The following CLIP1 variants were observed in gnomAD, a reference collection of about 807,000 sequenced individuals.
CLIP1 encodes CAP-Gly domain-containing linker protein 1.
In CLIP1, 66 loss-of-function variants were observed where a neutral mutation model predicts 161.6. The observed-to-expected ratio is 0.41, with a 90% CI of 0.33 to 0.50. The LOEUF (loss-of-function observed/expected upper bound fraction) is 0.50. Among genes scored for constraint, CLIP1 ranks in the 20% least tolerant of loss-of-function variants. The pLI, the probability that CLIP1 is intolerant of heterozygous loss-of-function variation, is 0.27. For missense variants in CLIP1, 1,376 were observed against 1,702.0 expected, an observed-to-expected ratio of 0.81 and a Z score of 3.37; for synonymous variants, 598 against 626.2, an observed-to-expected ratio of 0.96 and a Z score of 0.67.
At chr12:122,306,100 T>G (rs534981646) in intron 20 of CLIP1, among the ~76,000 whole-genome samples, 1 of 150,486 alleles carries the variant, frequency 6.6e-6, no homozygotes, top group South Asian at 2.1e-4. Context: ...ACTAGACTGG[T>G]TTAGCCTCCC....
chr12:122,302,275 C>T (rs1421692046), intron 20 of CLIP1, among the ~76,000 whole-genome samples: 2 of 151,284 alleles, frequency 1.3e-5, no homozygotes, highest in Non-Finnish European at 3.0e-5. Flanking sequence ...TATTTTTTTT[C>T]TTTTTTAGTA....
In CLIP1 at chr12:122,324,938, A is replaced by C. The variant is rs1336987486; in HGVS notation, c.3249+3009T>G. ...CATATAACTTAAAAACTACAGCCTA[A>C]TTTCTAGGCTTTGCTGACTAAAAGG... On this transcript the variant is annotated intron_variant, in intron 17 of 25. Transcript: ENST00000620786. Among the ~76,000 whole-genome samples, 3 of 152,112 alleles carry C rather than the reference A, an allele frequency of 2.0e-5. No individual in the cohort carries two copies. The East Asian group carries it at 5.8e-4, about 29-fold the overall frequency.
chr12:122,376,908 G>A (rs543729461), intron 3 of CLIP1, among the ~76,000 whole-genome samples: 19 of 152,058 alleles, frequency 1.2e-4, no homozygotes, highest in Non-Finnish European at 2.2e-4. Flanking sequence ...AATTTGTTGC[G>A]TAGTTACCCA....
At position 122,325,272 on chromosome 12, in the gene CLIP1, G is replaced by A. The variant is rs1593070040; in HGVS notation, c.3249+2675C>T. Among the ~76,000 whole-genome samples the A allele has an allele frequency of 5.3e-5, 8 of 152,004 alleles. 1 individual carries two copies. The highest frequency in any genetic ancestry group is 5.2e-4 in the Admixed American group (8 of 15,264). Reference sequence around the variant, plus strand: ...GGGGTTTCACCATGTTGGCCAGGCTGGTCTCAAACTCCTGACCCCAAGTGA... The same window carrying A: ...GGGGTTTCACCATGTTGGCCAGGCTAGTCTCAAACTCCTGACCCCAAGTGA... On this transcript the variant is annotated intron_variant, in intron 17 of 25. Transcript: ENST00000620786.
chr12:122,386,989 CA>C (rs2136914966), intron 1 of CLIP1, among the ~76,000 whole-genome samples: 1 of 152,260 alleles, frequency 6.6e-6, no homozygotes, highest in East Asian at 1.9e-4. Flanking sequence ...CTCCCAAGCT[CA>C]AGTGATTCTC....
chr12:122,337,214 G>A (rs1211962648), intron 11 of CLIP1, among the ~76,000 whole-genome samples: 2 of 152,010 alleles, frequency 1.3e-5, no homozygotes, highest in South Asian at 2.1e-4. Flanking sequence ...TTGGGAGGCT[G>A]AGGCAAGTGG....
chr12:122,338,865 C>T (rs529663567), intron 11 of CLIP1, among the ~76,000 whole-genome samples: 14 of 152,194 alleles, frequency 9.2e-5, no homozygotes, highest in Non-Finnish European at 1.9e-4. Context: ...TATTTCGGAA[C>T]CACATGAGGA....
intron 1 of CLIP1, among the ~76,000 whole-genome samples, chr12:122,382,186 A>T (rs1166067732): frequency 6.6e-6 from 1 of 151,716 alleles, no homozygotes; most frequent in Non-Finnish European, 1.5e-5. Context: ...ACATGGAGAA[A>T]CTCTGTCTCT....
intron 17 of CLIP1, 53 bp downstream of exon 17, chr12:122,327,894 G>C (rs1047804498): frequency 1.9e-6 from 3 of 1,552,714 alleles, no homozygotes; most frequent in African/African-American, 1.4e-5. Context: ...TTCCTGCCTC[G>C]ACACAGAGCT....
At chr12:122,309,512 T>C (rs988019365) in intron 20 of CLIP1, among the ~76,000 whole-genome samples, 20 of 152,208 alleles carry the variant, frequency 1.3e-4, no homozygotes, top group Admixed American at 9.2e-4. Flanking sequence ...CTAATAAAGA[T>C]AGTATTTTCT....
intron 10 of CLIP1, among the ~76,000 whole-genome samples, chr12:122,345,261 G>A (rs1039962814): frequency 2.0e-5 from 3 of 150,416 alleles, no homozygotes; most frequent in Admixed American, 6.7e-5. Flanking sequence ...TGCAAGCCTC[G>A]ACCTCCTGGG....
intron 5 of CLIP1, among the ~76,000 whole-genome samples, chr12:122,356,775 T>C (rs1034541176): frequency 1.2e-4 from 19 of 152,136 alleles, no homozygotes; most frequent in African/African-American, 4.6e-4. Flanking sequence ...GTGCCTGCGA[T>C]TGCAGGCGCG....
intron 1 of CLIP1, among the ~76,000 whole-genome samples, chr12:122,417,679 A>T (rs1442602064): frequency 1.3e-5 from 2 of 151,630 alleles, no homozygotes; most frequent in African/African-American, 4.8e-5. Context: ...AGCCTGGCTA[A>T]TTTTTTGTAT....
chr12:122,333,360 A>G (rs1268542049), intron 14 of CLIP1, among the ~76,000 whole-genome samples: 1 of 152,214 alleles, frequency 6.6e-6, no homozygotes, highest in Non-Finnish European at 1.5e-5. Context: ...ATGCAGGCAA[A>G]GGAGCTGGGA....
At chr12:122,334,887 T>G (rs2136290845) in intron 12 of CLIP1, among the ~76,000 whole-genome samples, 182 bp from the exon 13 acceptor site, 1 of 152,346 alleles carries the variant, frequency 6.6e-6, no homozygotes, top group Admixed American at 6.5e-5. Flanking sequence ...TGTGCATGTA[T>G]ACACACAAAA....
chr12:122,288,637 T>C (rs950256687), intron 20 of CLIP1, 96 bp from the exon 21 acceptor site: 1 of 1,025,940 alleles, frequency 9.7e-7, no homozygotes, highest in Non-Finnish European at 1.4e-6. Flanking sequence ...CCAGGACAGC[T>C]AAAGCCATTG....
chr12:122,410,038 T>C (rs1295839056), intron 1 of CLIP1, among the ~76,000 whole-genome samples: 5 of 150,354 alleles, frequency 3.3e-5, no homozygotes, highest in Non-Finnish European at 7.4e-5. Context: ...GCCTGGCTAA[T>C]TTTTTGTATT....
chr12:122,420,452 T>C (rs531547875), intron 1 of CLIP1, among the ~76,000 whole-genome samples: 29 of 152,166 alleles, frequency 1.9e-4, no homozygotes, highest in African/African-American at 6.3e-4. Flanking sequence ...GAAGCAATGA[T>C]TGAAAAAATA....
chr12:122,401,125 G>A (rs941168227), intron 1 of CLIP1, among the ~76,000 whole-genome samples: 30 of 152,082 alleles, frequency 2.0e-4, no homozygotes, highest in African/African-American at 6.8e-4. Flanking sequence ...TGGTCAGGCT[G>A]GTCTCGAACT....
Sources: gnomAD v4.1 joint callset for allele counts (sites outside exome capture counted in the v4.1 genomes callset) on GRCh38, gnomAD v4.1.1 for gene constraint, MANE v1.5 for transcripts, NCBI Gene and HGNC (gene_info 2026-07-23, HGNC 2026-07-21) for gene names.